Variants in ITSN2 observed in about 807,000 individuals in gnomAD.
ITSN2 encodes intersectin-2.
A neutral mutation model predicts 243.7 loss-of-function variants in ITSN2; 156 were observed. That is an observed-to-expected ratio of 0.64 (90% CI 0.56 to 0.73). The LOEUF (loss-of-function observed/expected upper bound fraction) is 0.73. Among genes scored for constraint, ITSN2 ranks in the 30% least tolerant of loss-of-function variants. ITSN2 has a pLI of 0.00. For missense variants in ITSN2, 1,801 were observed against 1,996.1 expected (o/e 0.90, Z 1.86); for synonymous variants, 703 against 699.9 (o/e 1.00, Z -0.07).
chr2:24,318,961 T>C (rs1311931549), intron 2 of ITSN2, among the ~76,000 whole-genome samples: 1 of 152,168 alleles, frequency 6.6e-6, no homozygotes, highest in Non-Finnish European at 1.5e-5. Flanking sequence ...AACCCTATTG[T>C]GAACTGTGTG....
rs1415846586 is a variant in ITSN2 at position 24,252,436 on chromosome 2, A to G, written c.3029T>C (p.Val1010Ala). The G allele has an allele frequency of 5.0e-6, 8 of 1,612,824 alleles. No individual in the cohort carries two copies. The Middle Eastern group carries it at 6.6e-4, about 133-fold the overall frequency. ...LTFTEGEEILVTQKDGEWWTG... is the reference protein window; with the variant it reads ...LTFTEGEEILATQKDGEWWTG... ...CCACCACTCTCCATCTTTCTGGGTC[A>G]CCAATATTTCTTCACCTTCTGTGAA... The change falls in exon 25 of 40, where the codon GTG becomes GCG. Residue 1010 changes from valine (V) to alanine (A), a missense_variant. Physicochemically the swap from Val to Ala is moderately conservative, Grantham distance 64. Around this residue, in one of 5 missense-constraint regions of ITSN2, gnomAD observed 928 missense variants for 1,065.4 expected, o/e 0.87. Coordinates refer to ENST00000355123, the MANE Select transcript of ITSN2 (RefSeq NM_006277.3).
rs188029678 is a variant in ITSN2 at position 24,208,717 on chromosome 2, C to T, written c.4595+383G>A. Among the ~76,000 whole-genome samples, 560 of 152,306 alleles carry T rather than the reference C, an allele frequency of 3.7e-3. 2 individuals carry two copies. The highest frequency in any genetic ancestry group is 6.9e-3 in the Non-Finnish European group (470 of 68,030). On this transcript the variant is annotated intron_variant, in intron 36 of 39. Coordinates refer to ENST00000355123, the MANE Select transcript of ITSN2 (RefSeq NM_006277.3). ...AGCGGGGATGGCACCCACACAAGGG[C>T]GCCTGAGGGGCGAAAGTCTGCAGGT...
Position 24,246,275 on chromosome 2 carries a change from T to C in ITSN2, c.3431A>G (p.Asp1144Gly). The C allele has an allele frequency of 1.2e-6, 2 of 1,612,748 alleles. No individual in the cohort carries two copies. Among genetic ancestry groups the C allele is most frequent in the South Asian group, 1.1e-5 (1 of 91,010 alleles). ...TTGTCCCTTGGAGAAACTGAGCTCA[T>C]CTTCATTATTTGCTGCATAGTCATA... ...AMYDYAANNE[D>G]ELSFSKGQLI... Residue 1144 changes from aspartate to glycine, a missense_variant, in exon 29 of 40, where the codon GAT becomes GGT. Asp to Gly is a moderately conservative substitution (Grantham distance 94). Transcript: ENST00000355123.
At position 24,212,667 on chromosome 2, in the gene ITSN2, G is replaced by A. The variant is rs750677319; in HGVS notation, c.4072C>T (p.Pro1358Ser). 2.5e-6 allele frequency: 4 copies of A among 1,612,242 alleles called. No individual in the cohort carries two copies. The highest frequency in any genetic ancestry group is 2.5e-6 in the Non-Finnish European group (3 of 1,179,296). Residue 1358 changes from proline to serine, a missense_variant, in exon 33 of 40, where the codon CCA (proline) becomes TCA (serine). Coordinates refer to ENST00000355123, the MANE Select transcript of ITSN2 (RefSeq NM_006277.3). ...LKPMQRITRY[P>S]LLIRSILENT... ...ACACTCACACTTCTGATGAGCAGTG[G>A]GTAGCGGGTGATCCTCTGCATGGGT...
At chr2:24,315,434 T>C (rs911325167) in intron 2 of ITSN2, among the ~76,000 whole-genome samples, 3 of 152,228 alleles carry the variant, frequency 2.0e-5, no homozygotes, top group Non-Finnish European at 4.4e-5. Context: ...ACAAGTGCTA[T>C]ATCACACTCA....
At chr2:24,305,512 G>A (rs1174363145) in intron 8 of ITSN2, among the ~76,000 whole-genome samples, 1 of 149,846 alleles carries the variant, frequency 6.7e-6, no homozygotes. Context: ...GGGAGGCAGA[G>A]GCTGCAGTGG....
intron 1 of ITSN2, chr2:24,334,530 A>G (rs1686139424): frequency 2.4e-6 from 2 of 821,810 alleles, no homozygotes; most frequent in Admixed American, 1.7e-5. Flanking sequence ...CATTCCTAAA[A>G]CCCGCAGGAC....
chr2:24,313,308 C>T (rs954423797), intron 4 of ITSN2, 152 bp downstream of exon 4: 10 of 540,062 alleles, frequency 1.9e-5, no homozygotes, highest in Non-Finnish European at 3.3e-5. Context: ...AGCCTGGCCT[C>T]AAGCAATCCT....
rs761027574 is a variant in ITSN2 at position 24,216,198 on chromosome 2, T to G, written c.3841A>C (p.Lys1281Gln). ...LRVRKKTGGE[K>Q]MPVQMIGDIL... ...TCCCCAATCATCTGCACCGGCATCT[T>G]CTCGCCCCCGGTCTTCTTCCGCACC... Residue 1281 changes from lysine (K) to glutamine (Q), a missense_variant, in exon 32 of 40, where the codon AAG becomes CAG. By Grantham distance (53) the Lys-to-Gln change is moderately conservative (BLOSUM62 1). Transcript: ENST00000355123. The G allele has an allele frequency of 1.2e-6, 2 of 1,608,768 alleles. No homozygotes were observed. The highest frequency in any genetic ancestry group is 1.7e-6 in the Non-Finnish European group (2 of 1,177,414).
In ITSN2 at chr2:24,210,697, C is replaced by T. The variant is rs1669394412; in HGVS notation, c.4257+83G>A. 2.4e-5 allele frequency: 32 copies of T among 1,330,724 alleles called. No homozygotes were observed. In the South Asian group the frequency reaches 4.1e-4, roughly 17 times the overall value. 82.4% of individuals were successfully genotyped at this position (1,330,724 alleles called of 1,614,324 possible). A position where few individuals can be genotyped will look rare whatever the true frequency, so the allele number is the denominator to read the frequency against. On this transcript the variant is annotated intron_variant, in intron 34 of 39. Transcript: ENST00000355123. ...CCACGCAGGCTGCCTAAGGTGCAGACTGTCCACGTGAGGGAAGGCTCGGAG... is the reference window on the plus strand; with the variant it reads ...CCACGCAGGCTGCCTAAGGTGCAGATTGTCCACGTGAGGGAAGGCTCGGAG...
chr2:24,314,014 T>C (rs1683601165), intron 3 of ITSN2, among the ~76,000 whole-genome samples: 2 of 152,196 alleles, frequency 1.3e-5, no homozygotes, highest in African/African-American at 4.8e-5. Context: ...ACGAATCCGG[T>C]AACGTTTCCC....
chr2:24,317,673 A>T (rs192355941), intron 2 of ITSN2, among the ~76,000 whole-genome samples: 1 of 152,234 alleles, frequency 6.6e-6, no homozygotes, highest in East Asian at 1.9e-4. Context: ...TGGGGCTACA[A>T]ATTGAAAACA....
rs551644327 is a variant in ITSN2 at position 24,352,128 on chromosome 2, G to C, written c.-34+8176C>G. 2.0e-5 allele frequency among the ~76,000 whole-genome samples: 3 copies of C among 152,170 alleles called. No homozygotes were observed. In the South Asian group the frequency reaches 6.2e-4, roughly 32 times the overall value. On this transcript the variant is annotated intron_variant, in intron 1 of 39. Coordinates refer to ENST00000355123, the MANE Select transcript of ITSN2 (RefSeq NM_006277.3). Reference sequence around the variant, plus strand: ...TATAGGAAAAAACATAGTGTATATAGGTTTCTGTACCATCCATGGTTTCAA... The same window carrying C: ...TATAGGAAAAAACATAGTGTATATACGTTTCTGTACCATCCATGGTTTCAA...
At position 24,204,076 on chromosome 2, in the gene ITSN2, T is replaced by A. The variant is rs376609253; in HGVS notation, c.4936+169A>T. 68 of 682,404 alleles carry A rather than the reference T, an allele frequency of 1.0e-4. 1 individual carries two copies. The East Asian group carries it at 1.1e-3, about 11-fold the overall frequency. The allele number at this position is 682,404 out of a possible 1,614,324, so 42.3% of individuals were successfully genotyped here. A position where few individuals can be genotyped will look rare whatever the true frequency, so the allele number is the denominator to read the frequency against. On this transcript the variant is annotated intron_variant, in intron 39 of 39. Coordinates refer to ENST00000355123, the MANE Select transcript of ITSN2 (RefSeq NM_006277.3). This position sits in a 1 kb window ranked among gnomAD's most constrained non-coding sequence, Gnocchi z 5.1. Reference sequence around the variant, plus strand: ...GACCTGAAACACATCTCAGGCCACCTCCTCCCCTGAGGAAGGCCACCCACC... The same window carrying A: ...GACCTGAAACACATCTCAGGCCACCACCTCCCCTGAGGAAGGCCACCCACC...
chr2:24,204,918 G>A lies in ITSN2; in HGVS notation c.4762+296C>T, dbSNP rs929532523. 5.6e-5 allele frequency: 21 copies of A among 375,018 alleles called. No homozygotes were observed. Among genetic ancestry groups the A allele is most frequent in the Non-Finnish European group, 1.1e-4 (21 of 189,222 alleles). The allele number at this position is 375,018 out of a possible 1,614,324, so 23.2% of individuals were successfully genotyped here. A position where few individuals can be genotyped will look rare whatever the true frequency, so the allele number is the denominator to read the frequency against. On this transcript the variant is annotated intron_variant, in intron 38 of 39. Coordinates refer to ENST00000355123, the MANE Select transcript of ITSN2 (RefSeq NM_006277.3). This position sits in a 1 kb window ranked among gnomAD's most constrained non-coding sequence, Gnocchi z 5.1. ...TCCCAGCACTTTGGGAGGCCGAGGC[G>A]GGCAGATCACTTGAGGTCAGGAGTT... is the stretch of plus-strand genomic sequence containing the variant.
intron 8 of ITSN2, among the ~76,000 whole-genome samples, chr2:24,304,501 T>C (rs773428333): frequency 5.3e-5 from 8 of 152,208 alleles, no homozygotes; most frequent in Non-Finnish European, 1.2e-4. Context: ...ATTTTTTTAA[T>C]CTGGACATTT....
At chr2:24,217,833 C>T in intron 31 of ITSN2, 74 bp downstream of exon 31, 1 of 934,614 alleles carries the variant, frequency 1.1e-6, no homozygotes. Flanking sequence ...GAAGCCCTTG[C>T]AGAGGGTTTT....
chr2:24,325,060 A>C (rs1685010349), intron 2 of ITSN2, among the ~76,000 whole-genome samples: 1 of 152,082 alleles, frequency 6.6e-6, no homozygotes. Flanking sequence ...ACCTTTTAAA[A>C]AATTAATCAT....
chr2:24,337,630 G>A (rs1364995998), intron 1 of ITSN2, among the ~76,000 whole-genome samples: 4 of 147,490 alleles, frequency 2.7e-5, no homozygotes, highest in Non-Finnish European at 6.0e-5. Flanking sequence ...GATTACAGGC[G>A]TGAGCCACCA....
Sources: allele counts gnomAD v4.1 joint callset (sites outside exome capture counted in the v4.1 genomes callset), GRCh38; gene constraint gnomAD v4.1.1; regional missense constraint gnomAD v4.1.1; non-coding constraint Gnocchi (gnomAD v3.1); transcripts MANE v1.5; gene names NCBI Gene and HGNC (gene_info 2026-07-23, HGNC 2026-07-21).